KALRN: variants seen among roughly 807,000 people sequenced by gnomAD.
KALRN encodes kalirin RhoGEF kinase, also known as kalirin.
A neutral mutation model predicts 353.7 loss-of-function variants in KALRN; 70 were observed. That is an observed-to-expected ratio of 0.20 (90% CI 0.16 to 0.24). The LOEUF is 0.24. Among genes scored for constraint, KALRN ranks in the 10% least tolerant of loss-of-function variants. The pLI is 1.00. For synonymous variants in KALRN, 1,391 were observed against 1,434.8 expected, an observed-to-expected ratio of 0.97 and a Z score of 0.69; for missense variants, 2,791 against 3,756.7, an observed-to-expected ratio of 0.74 and a Z score of 6.72.
intron 34 of KALRN, among the ~76,000 whole-genome samples, chr3:124,601,526 A>G (rs2076804708): frequency 6.6e-6 from 1 of 152,184 alleles, no homozygotes; most frequent in African/African-American, 2.4e-5. Context: ...CACGATGACA[A>G]TTGTTATTAA....
chr3:124,569,986 G>T (rs2073338210), intron 34 of KALRN, among the ~76,000 whole-genome samples: 1 of 152,164 alleles, frequency 6.6e-6, no homozygotes, highest in Non-Finnish European at 1.5e-5. Context: ...CCAACCCCTG[G>T]TGCTGGCCCA....
chr3:124,062,385 T>C (rs1041182112), intron 1 of KALRN, among the ~76,000 whole-genome samples: 2 of 152,338 alleles, frequency 1.3e-5, no homozygotes, highest in East Asian at 3.9e-4. Context: ...TTTGGGCATT[T>C]ACACATTTTT....
At chr3:124,511,735 C>T (rs1223923945) in intron 33 of KALRN, among the ~76,000 whole-genome samples, 3 of 152,188 alleles carry the variant, frequency 2.0e-5, no homozygotes, top group Non-Finnish European at 4.4e-5. Flanking sequence ...ATAATGATCT[C>T]AAAATTGCCT....
chr3:124,259,448 A>G (rs1319364971), intron 3 of KALRN, among the ~76,000 whole-genome samples: 3 of 152,242 alleles, frequency 2.0e-5, no homozygotes. Flanking sequence ...GCTTAGACTT[A>G]CACAGAACAG....
chr3:124,539,865 A>G (rs2109306943), intron 33 of KALRN, among the ~76,000 whole-genome samples: 1 of 149,336 alleles, frequency 6.7e-6, no homozygotes, highest in South Asian at 2.2e-4. Context: ...GCTCAACCTC[A>G]GCCTCCCCAG....
At chr3:124,623,708 G>C (rs192855494) in intron 34 of KALRN, among the ~76,000 whole-genome samples, 29 of 152,216 alleles carry the variant, frequency 1.9e-4, no homozygotes, top group African/African-American at 7.0e-4. Context: ...CCAGCCCACT[G>C]ACTCAAATGT....
intron 37 of KALRN, 58 bp from the exon 38 acceptor site, chr3:124,650,750 G>A: frequency 6.5e-7 from 1 of 1,548,702 alleles, no homozygotes; most frequent in Non-Finnish European, 8.9e-7. Flanking sequence ...GAGGACACAG[G>A]GATTCCAAAT....
chr3:124,473,784 A>G (rs1432080215), intron 25 of KALRN, among the ~76,000 whole-genome samples: 1 of 152,238 alleles, frequency 6.6e-6, no homozygotes, highest in African/African-American at 2.4e-5. Context: ...CAGAGTCAAA[A>G]GATAAGCGCA....
intron 1 of KALRN, chr3:124,080,007 G>C (rs1449297249): frequency 4.2e-6 from 2 of 470,588 alleles, no homozygotes; most frequent in African/African-American, 4.0e-5. Flanking sequence ...AATCCCCATA[G>C]CATTTCTTTC....
chr3:124,708,460 A>G (rs1228815704), intron 57 of KALRN, among the ~76,000 whole-genome samples: 2 of 152,254 alleles, frequency 1.3e-5, no homozygotes, highest in African/African-American at 2.4e-5. Context: ...TTTAAATTGC[A>G]TAACAAAAAA....
At chr3:124,075,904 G>A (rs2060237129) in intron 1 of KALRN, among the ~76,000 whole-genome samples, 1 of 152,224 alleles carries the variant, frequency 6.6e-6, no homozygotes, top group South Asian at 2.1e-4. Context: ...GGCAAACTCT[G>A]TTTCTGAGGC....
chr3:124,491,164 C>G (rs920151424), intron 30 of KALRN, among the ~76,000 whole-genome samples, 159 bp from the exon 31 acceptor site: 1 of 152,136 alleles, frequency 6.6e-6, no homozygotes, highest in Admixed American at 6.5e-5. Flanking sequence ...TCCTTTCATC[C>G]TGGGTAGATG....
Position 124,621,807 on chromosome 3 carries a change from T to C in KALRN, c.5183-10613T>C, listed in dbSNP as rs139329762. On this transcript the variant is annotated intron_variant, in intron 34 of 59. Transcript: ENST00000682506. Reference sequence around the variant, plus strand: ...CTGAATATGCAACCAGGAGCTTGTATTCTGTTAAATTTTGCCAGAGTATTA... The same window carrying C: ...CTGAATATGCAACCAGGAGCTTGTACTCTGTTAAATTTTGCCAGAGTATTA... Among the ~76,000 whole-genome samples the C allele has an allele frequency of 7.3e-3, 1,116 of 152,328 alleles. 21 individuals are homozygous for C. The highest frequency in any genetic ancestry group is 0.025 in the African/African-American group (1,059 of 41,572).
At chr3:124,147,726 G>A (rs936762503) in intron 1 of KALRN, among the ~76,000 whole-genome samples, 1 of 152,172 alleles carries the variant, frequency 6.6e-6, no homozygotes, top group African/African-American at 2.4e-5. Flanking sequence ...TTTAAAAGAA[G>A]CATCACTAGG....
chr3:124,698,329 G>A (rs1470639952), intron 55 of KALRN, among the ~76,000 whole-genome samples: 2 of 152,206 alleles, frequency 1.3e-5, no homozygotes, highest in Non-Finnish European at 2.9e-5. Context: ...CTTCAGAATT[G>A]TGAACATATT....
intron 1 of KALRN, among the ~76,000 whole-genome samples, chr3:124,050,409 C>T (rs1424899472): frequency 6.6e-6 from 1 of 152,162 alleles, no homozygotes; most frequent in African/African-American, 2.4e-5. Flanking sequence ...TAGACATTCA[C>T]CTTGGCCAGT....
chr3:124,355,140 A>G (rs1197125192), intron 10 of KALRN, among the ~76,000 whole-genome samples: 1 of 152,226 alleles, frequency 6.6e-6, no homozygotes, highest in Non-Finnish European at 1.5e-5. Flanking sequence ...AATGTGAATC[A>G]TTGTAGAAAA....
intron 1 of KALRN, among the ~76,000 whole-genome samples, chr3:124,036,434 C>T (rs2039427109): frequency 6.6e-6 from 1 of 151,690 alleles, no homozygotes; most frequent in Admixed American, 6.6e-5. Context: ...CCATGATGTA[C>T]ATGTACCACA....
intron 9 of KALRN, among the ~76,000 whole-genome samples, chr3:124,336,546 G>A (rs1167984733): frequency 6.6e-6 from 1 of 152,232 alleles, no homozygotes; most frequent in Middle Eastern, 3.4e-3. Flanking sequence ...CTGCAGAGGG[G>A]CTGCAAGGAG....
Sources: allele counts gnomAD v4.1 joint callset (sites outside exome capture counted in the v4.1 genomes callset), GRCh38; gene constraint gnomAD v4.1.1; transcripts MANE v1.5; gene names NCBI Gene and HGNC (gene_info 2026-07-23, HGNC 2026-07-21).